PEX7: variants seen among roughly 807,000 people sequenced by gnomAD.
PEX7 encodes PTS2 receptor.
In PEX7, 34 loss-of-function variants were observed where a neutral mutation model predicts 47.5. The ratio of observed to expected loss-of-function variants is 0.72; its 90% CI spans 0.54 to 0.95. PEX7 has a LOEUF of 0.95. PEX7 is among the 40% of genes least tolerant of loss of function. PEX7 has a pLI of 0.00. For synonymous variants in PEX7, 141 were observed against 148.8 expected (o/e 0.95, Z 0.38); for missense variants, 394 against 400.3 (o/e 0.98, Z 0.13).
chr6:136,849,149 A>G (rs199774351), intron 5 of PEX7, among the ~76,000 whole-genome samples: 1 of 152,088 alleles, frequency 6.6e-6, no homozygotes, highest in African/African-American at 2.4e-5. Context: ...AGAGGTGTTT[A>G]TAGTATTCTC....
At chr6:136,889,586 T>C (rs1775521859) in intron 8 of PEX7, among the ~76,000 whole-genome samples, 1 of 152,246 alleles carries the variant, frequency 6.6e-6, no homozygotes, top group Non-Finnish European at 1.5e-5. Flanking sequence ...TTAATTTGCA[T>C]CATACTTTTT....
At chr6:136,901,510 T>A (rs1775754155) in intron 9 of PEX7, 1 of 152,282 alleles carries the variant, frequency 6.6e-6, no homozygotes, top group Non-Finnish European at 1.5e-5. Context: ...GCTGGTTGTC[T>A]TCCAGGCCGT....
At chr6:136,835,816 A>T (rs191114145) in intron 3 of PEX7, among the ~76,000 whole-genome samples, 79 of 152,332 alleles carry the variant, frequency 5.2e-4, no homozygotes, top group Non-Finnish European at 9.1e-4. Context: ...AAAAGGAGCG[A>T]TTTGATTTAC....
At chr6:136,864,413 C>T (rs1259361609) in intron 5 of PEX7, among the ~76,000 whole-genome samples, 1 of 152,110 alleles carries the variant, frequency 6.6e-6, no homozygotes, top group East Asian at 1.9e-4. Context: ...CCTTACAAGG[C>T]AGTTATTTTA....
chr6:136,877,982 A>C (rs1202250526), intron 8 of PEX7, among the ~76,000 whole-genome samples: 4 of 152,024 alleles, frequency 2.6e-5, no homozygotes, highest in Non-Finnish European at 2.9e-5. Flanking sequence ...GATTTCCTTG[A>C]GCAGTGGTTT....
chr6:136,883,184 C>A (rs145052100), intron 8 of PEX7, among the ~76,000 whole-genome samples: 1 of 152,062 alleles, frequency 6.6e-6, no homozygotes, highest in African/African-American at 2.4e-5. Flanking sequence ...TTCTGAGTGC[C>A]AGGTTTATCA....
At chr6:136,897,685 T>G (rs1390461980) in intron 8 of PEX7, among the ~76,000 whole-genome samples, 1 of 152,206 alleles carries the variant, frequency 6.6e-6, no homozygotes, top group African/African-American at 2.4e-5. Flanking sequence ...AAATTAAGCC[T>G]AAGATCTTTC....
intron 9 of PEX7, among the ~76,000 whole-genome samples, chr6:136,901,854 C>T (rs1442505909): frequency 1.3e-5 from 2 of 152,186 alleles, no homozygotes; most frequent in Non-Finnish European, 2.9e-5. Context: ...GGCGTGATCT[C>T]GGCTCACTGC....
At chr6:136,861,090 A>G (rs61698339) in intron 5 of PEX7, among the ~76,000 whole-genome samples, 1 of 151,730 alleles carries the variant, frequency 6.6e-6, no homozygotes, top group Non-Finnish European at 1.5e-5. Flanking sequence ...AAATTTTTTT[A>G]TTTTTATTTT....
intron 8 of PEX7, among the ~76,000 whole-genome samples, chr6:136,891,944 C>T (rs947844722): frequency 4.6e-5 from 7 of 152,146 alleles, no homozygotes; most frequent in African/African-American, 1.7e-4. Flanking sequence ...TTTTTAATCC[C>T]TTCCAAAAAT....
intron 3 of PEX7, among the ~76,000 whole-genome samples, 180 bp from the exon 4 acceptor site, chr6:136,845,435 G>A (rs1351345167): frequency 6.6e-6 from 1 of 152,192 alleles, no homozygotes; most frequent in Admixed American, 6.5e-5. Context: ...AATAAGTCTG[G>A]AGGAATGGAC....
At chr6:136,864,879 A>T (rs1775030411) in intron 5 of PEX7, among the ~76,000 whole-genome samples, 1 of 152,194 alleles carries the variant, frequency 6.6e-6, no homozygotes, top group Non-Finnish European at 1.5e-5. Flanking sequence ...TATGTATCCT[A>T]TAACCACAAA....
chr6:136,846,194 G>C lies in PEX7; in HGVS notation c.526+13G>C. 6.5e-7 allele frequency: 1 copy of C among 1,529,108 alleles called. No individual in the cohort carries two copies. Among genetic ancestry groups the C allele is most frequent in the Non-Finnish European group, 9.1e-7 (1 of 1,103,546 alleles). The allele number at this position is 1,529,108 out of a possible 1,614,324, so 94.7% of individuals were successfully genotyped here. ...GCTTCAGCCTCAGGTAAATTATTCT[G>C]TATTTACCAAAAGCCTTACTTGTAG... On this transcript the variant is annotated intron_variant, in intron 5 of 9. Coordinates refer to ENST00000318471, the MANE Select transcript of PEX7 (RefSeq NM_000288.4).
At chr6:136,846,808 A>T (rs553914728) in intron 5 of PEX7, among the ~76,000 whole-genome samples, 13 of 152,046 alleles carry the variant, frequency 8.6e-5, no homozygotes, top group African/African-American at 2.9e-4. Context: ...AAACATACAT[A>T]TGCATGTCTT....
chr6:136,910,878 A>G (rs942229704), intron 9 of PEX7, among the ~76,000 whole-genome samples: 3 of 152,178 alleles, frequency 2.0e-5, no homozygotes, highest in Admixed American at 1.3e-4. Context: ...ATACAAAGTA[A>G]CAGAATCAGA....
intron 8 of PEX7, among the ~76,000 whole-genome samples, chr6:136,886,357 C>T (rs954618279): frequency 5.9e-5 from 9 of 152,070 alleles, no homozygotes; most frequent in African/African-American, 1.9e-4. Context: ...AAGCTGACTC[C>T]TCTATTTACT....
chr6:136,858,739 C>CT (rs1268775279), intron 5 of PEX7, among the ~76,000 whole-genome samples: 1 of 152,138 alleles, frequency 6.6e-6, no homozygotes, highest in African/African-American at 2.4e-5. Flanking sequence ...ATACTCAACT[C>CT]TTTTTTTAAA....
intron 1 of PEX7, chr6:136,823,079 T>A: frequency 4.1e-6 from 4 of 985,366 alleles, no homozygotes; most frequent in Non-Finnish European, 4.8e-6. Flanking sequence ...CTCCGCCACG[T>A]GTCACACGCC....
chr6:136,841,745 G>C (rs1774503599), intron 3 of PEX7, among the ~76,000 whole-genome samples: 1 of 151,974 alleles, frequency 6.6e-6, no homozygotes, highest in Non-Finnish European at 1.5e-5. Context: ...CACCACACCT[G>C]GCTAATTTTT....
Sources: allele counts gnomAD v4.1 joint callset (sites outside exome capture counted in the v4.1 genomes callset), GRCh38; gene constraint gnomAD v4.1.1; transcripts MANE v1.5; gene names NCBI Gene and HGNC (gene_info 2026-07-23, HGNC 2026-07-21).